REV3L: variants seen among roughly 807,000 people sequenced by gnomAD.
The protein encoded by REV3L is DNA polymerase zeta catalytic subunit.
In REV3L, 69 loss-of-function variants were observed where a neutral mutation model predicts 299.4. The ratio of observed to expected loss-of-function variants is 0.23; its 90% CI spans 0.19 to 0.28. The LOEUF is 0.28. Among genes scored for constraint, REV3L ranks in the 10% least tolerant of loss-of-function variants. The pLI, the probability that REV3L is intolerant of heterozygous loss-of-function variation, is 1.00. For missense variants in REV3L, 3,128 were observed against 3,693.8 expected (o/e 0.85, Z 3.97); for synonymous variants, 1,238 against 1,271.4 (o/e 0.97, Z 0.56).
At chr6:111,469,398 A>G (rs915255618) in intron 1 of REV3L, among the ~76,000 whole-genome samples, 1 of 152,198 alleles carries the variant, frequency 6.6e-6, no homozygotes. Context: ...TTACATAAAC[A>G]CTACTTCAAG....
In REV3L at chr6:111,329,675, C is replaced by T; in HGVS notation, c.8098G>A (p.Val2700Met). 6.2e-7 allele frequency: 1 copy of T among 1,613,974 alleles called. No homozygotes were observed. The highest frequency in any genetic ancestry group is 2.2e-5 in the East Asian group (1 of 44,886). ...LEEILKTRFM[V>M]KQSMKAYKQD... ...TTGTAAGCCTTCATTGACTGCTTCA[C>T]CATAAATCTAGTCTTCAAAATTTCT... is the stretch of plus-strand genomic sequence containing the variant. The change falls in exon 25 of 32, where the codon GTG (valine) becomes ATG (methionine). Residue 2700 changes from valine to methionine, a missense_variant. Val to Met is a conservative substitution (Grantham distance 21, BLOSUM62 1). Coordinates refer to ENST00000368802, the MANE Select transcript of REV3L (RefSeq NM_001372078.1).
chr6:111,424,728 C>T (rs1320416677), intron 1 of REV3L, among the ~76,000 whole-genome samples: 1 of 152,200 alleles, frequency 6.6e-6, no homozygotes, highest in Non-Finnish European at 1.5e-5. Context: ...CTGAACAACA[C>T]TCCATTCCCA....
rs1369655820 is a variant in REV3L, at chr6:111,373,284, T to C, written c.5071A>G (p.Ile1691Val). 2.5e-6 allele frequency: 4 copies of C among 1,613,962 alleles called. No individual in the cohort carries two copies. The highest frequency in any genetic ancestry group is 2.2e-5 in the East Asian group (1 of 44,874). The change falls in exon 13 of 32, where the codon ATA (isoleucine) becomes GTA (valine). Residue 1691 changes from isoleucine (I) to valine (V), a missense_variant. This residue lies in a region of REV3L where 2,409 missense variants were observed against 2,611.8 expected (regional missense o/e 0.92). Coordinates refer to ENST00000368802, the MANE Select transcript of REV3L (RefSeq NM_001372078.1). The part of the protein sequence containing the change: ...AVQDLFPGQA[I>V]EKNEFLSHDN... ...TGACTTAAAAACTCATTTTTTTCTA[T>C]AGCTTGTCCTGGAAAAAGATCCTGA...
intron 9 of REV3L, among the ~76,000 whole-genome samples, chr6:111,382,283 C>T (rs1780907610): frequency 6.6e-6 from 1 of 152,112 alleles, no homozygotes; most frequent in South Asian, 2.1e-4. Flanking sequence ...TTGGTTTTAA[C>T]AACGTATCAA....
chr6:111,386,717 A>ATTTTTT (rs67124715), intron 9 of REV3L, among the ~76,000 whole-genome samples: 26 of 97,628 alleles, frequency 2.7e-4, no homozygotes, highest in African/African-American at 3.6e-4. Flanking sequence ...TAACAGCACT[A>ATTTTTT]TTTTTTTTTT....
At chr6:111,461,403 G>A (rs1191156384) in intron 1 of REV3L, among the ~76,000 whole-genome samples, 1 of 152,022 alleles carries the variant, frequency 6.6e-6, no homozygotes, top group Non-Finnish European at 1.5e-5. Flanking sequence ...TTTGTTTTAA[G>A]CTAAGTTATT....
intron 17 of REV3L, among the ~76,000 whole-genome samples, chr6:111,358,169 A>C (rs2114982030): frequency 6.6e-6 from 1 of 152,328 alleles, no homozygotes; most frequent in East Asian, 1.9e-4. Context: ...GAACCTCTGA[A>C]CCAAAAGTAT....
chr6:111,347,956 CCA>C (rs1777188236), intron 20 of REV3L, among the ~76,000 whole-genome samples: 1 of 152,142 alleles, frequency 6.6e-6, no homozygotes, highest in South Asian at 2.1e-4. Context: ...GCACATGCTA[CCA>C]TACATGGCTA....
Position 111,367,528 on chromosome 6 carries a change from G to T in REV3L, c.6260C>A (p.Thr2087Asn). ...TGGCAGCATCTGACTTTCACTTGCA[G>T]TTTGACTACATCCCGTGGTTGGTGC... ...LQAPTTGCSQ[T>N]ASESQMLPPV... The change falls in exon 14 of 32, where the codon ACT becomes AAT. Residue 2087 changes from threonine to asparagine, a missense_variant. Thr to Asn is a moderately conservative substitution (Grantham distance 65). Transcript: ENST00000368802. 6.2e-7 allele frequency: 1 copy of T among 1,612,460 alleles called. No individual in the cohort carries two copies. Among genetic ancestry groups the T allele is most frequent in the Non-Finnish European group, 8.5e-7 (1 of 1,178,642 alleles).
At position 111,322,207 on chromosome 6, in the gene REV3L, A is replaced by T. The variant is rs555271656; in HGVS notation, c.8351+362T>A. 9.2e-5 allele frequency among the ~76,000 whole-genome samples: 14 copies of T among 152,366 alleles called. No homozygotes were observed. In the East Asian group the frequency reaches 2.7e-3, roughly 29 times the overall value. The stretch of plus-strand genomic sequence containing the variant: ...CTTCAAAAACAGTTTATTTTAAGAT[A>T]TACACTTAAATTCAGAGAGTTACAG... On this transcript the variant is annotated intron_variant, in intron 26 of 31. Coordinates refer to ENST00000368802, the MANE Select transcript of REV3L (RefSeq NM_001372078.1).
intron 3 of REV3L, among the ~76,000 whole-genome samples, chr6:111,405,935 A>G (rs1248959284): frequency 6.6e-6 from 1 of 151,806 alleles, no homozygotes; most frequent in Non-Finnish European, 1.5e-5. Flanking sequence ...AAAATAACAA[A>G]TAATTTTGAA....
At position 111,307,568 on chromosome 6, in the gene REV3L, G is replaced by A. The variant is rs17511525; in HGVS notation, c.9045C>T (p.Ile3015=). Reference sequence around the variant, plus strand: ...TTCGCGAGGAGCTGGTAGCTTTATGGATCTATAAAAACATCCATTCAGAAG... The same window carrying A: ...TTCGCGAGGAGCTGGTAGCTTTATGAATCTATAAAAACATCCATTCAGAAG... ...VFSWYHELPR[I]HKATSSSRSE... The change falls in exon 31 of 32, where the codon ATC becomes ATT. Residue 3015 remains isoleucine, a splice_region_variant and synonymous_variant. Transcript: ENST00000368802. 2 of 1,613,940 alleles carry A rather than the reference G, an allele frequency of 1.2e-6. No homozygotes were observed. The highest frequency in any genetic ancestry group is 1.7e-6 in the Non-Finnish European group (2 of 1,179,990).
At chr6:111,461,812 T>C (rs1790807227) in intron 1 of REV3L, among the ~76,000 whole-genome samples, 5 of 151,774 alleles carry the variant, frequency 3.3e-5, no homozygotes, top group African/African-American at 9.7e-5. Context: ...CGGAGAGAAA[T>C]GGAATTTTTA....
intron 19 of REV3L, among the ~76,000 whole-genome samples, chr6:111,350,752 CTTTTT>C (rs35185792): frequency 7.2e-6 from 1 of 138,638 alleles, no homozygotes; most frequent in Non-Finnish European, 1.6e-5. Context: ...AATTTTCTTT[CTTTTT>C]TTTTTTTTTT....
rs543681655 is a variant in REV3L, at chr6:111,330,556, A to G, written c.8035-818T>C. ...TATTTAAAAAATCTTATTTTCATTAAGCTTTACACACTGGGTCCAAAAGTA... is the reference window on the plus strand; with the variant it reads ...TATTTAAAAAATCTTATTTTCATTAGGCTTTACACACTGGGTCCAAAAGTA... On this transcript the variant is annotated intron_variant, in intron 24 of 31. Transcript: ENST00000368802. Among the ~76,000 whole-genome samples the G allele has an allele frequency of 2.6e-5, 4 of 152,320 alleles. No individual in the cohort carries two copies. In the South Asian group the frequency reaches 6.2e-4, roughly 24 times the overall value.
chr6:111,387,390 A>T (rs1781453193), intron 9 of REV3L, among the ~76,000 whole-genome samples: 1 of 152,204 alleles, frequency 6.6e-6, no homozygotes, highest in Non-Finnish European at 1.5e-5. Flanking sequence ...GCTTAAAATG[A>T]CTGAATTTTA....
At chr6:111,325,119 C>T (rs1774634865) in intron 25 of REV3L, among the ~76,000 whole-genome samples, 1 of 152,164 alleles carries the variant, frequency 6.6e-6, no homozygotes, top group South Asian at 2.1e-4. Flanking sequence ...CCTTGGCCTC[C>T]CAAAGTGCTG....
intron 1 of REV3L, among the ~76,000 whole-genome samples, chr6:111,443,479 G>A (rs997847290): frequency 1.4e-4 from 22 of 152,300 alleles, no homozygotes; most frequent in Non-Finnish European, 2.8e-4. Context: ...TTCCTTTCAA[G>A]AAAGGTTTGT....
rs752107009 is a variant in REV3L, at chr6:111,307,590, GAAGT to G, written c.9043-24_9043-21del. ...ATGGATCTATAAAAACATCCATTCA[GAAGT>G]AAGCCTGAGTCAGCTTCACAGCAAA... On this transcript the variant is annotated intron_variant, in intron 30 of 31. Transcript: ENST00000368802. The G allele has an allele frequency of 3.1e-6, 5 of 1,612,050 alleles. No individual in the cohort carries two copies. Among genetic ancestry groups the G allele is most frequent in the South Asian group, 2.2e-5 (2 of 91,010 alleles).
Sources: allele counts gnomAD v4.1 joint callset (sites outside exome capture counted in the v4.1 genomes callset), GRCh38; gene constraint gnomAD v4.1.1; regional missense constraint gnomAD v4.1.1; transcripts MANE v1.5; gene names NCBI Gene and HGNC (gene_info 2026-07-23, HGNC 2026-07-21).